The following ETS1 variants were observed in gnomAD, a reference collection of about 807,000 sequenced individuals.
The protein encoded by ETS1 is ETS proto-oncogene 1, transcription factor, also known as protein C-ets-1.
ETS1 carries 15 observed loss-of-function variants against 58.6 expected under a neutral mutation model. The observed-to-expected ratio is 0.26, with a 90% CI of 0.17 to 0.39. The LOEUF is 0.39. ETS1 is among the 10% of genes least tolerant of loss of function. The pLI, the probability that ETS1 is intolerant of heterozygous loss-of-function variation, is 1.00. For synonymous variants in ETS1, 214 were observed against 218.2 expected (o/e 0.98, Z 0.17); for missense variants, 417 against 610.5 (o/e 0.68, Z 3.34).
chr11:128,499,050 A>G, intron 3 of ETS1, among the ~76,000 whole-genome samples: 1 of 152,260 alleles, frequency 6.6e-6, no homozygotes, highest in African/African-American at 2.4e-5. Context: ...ATTGCATCCT[A>G]TTGGTTCTTC....
At chr11:128,557,059 G>A (rs1416517010) in intron 2 of ETS1, among the ~76,000 whole-genome samples, 1 of 152,196 alleles carries the variant, frequency 6.6e-6, no homozygotes, top group Non-Finnish European at 1.5e-5. Context: ...CTCTAAGGAA[G>A]ACAGATGTGC....
At chr11:128,583,712 T>A (rs1864920810) in intron 1 of ETS1, among the ~76,000 whole-genome samples, 1 of 152,184 alleles carries the variant, frequency 6.6e-6, no homozygotes, top group Non-Finnish European at 1.5e-5. Context: ...CCTTTCCACA[T>A]CTCTTGAAAA....
At chr11:128,526,850 T>C (rs1863810028) in intron 3 of ETS1, 1 of 450,716 alleles carries the variant, frequency 2.2e-6, no homozygotes, top group Non-Finnish European at 4.4e-6. Flanking sequence ...TCAATGGGAG[T>C]TTATCAGTGC....
chr11:128,562,220 C>T (rs889795312), intron 2 of ETS1, among the ~76,000 whole-genome samples: 1 of 152,128 alleles, frequency 6.6e-6, no homozygotes, highest in Non-Finnish European at 1.5e-5. Context: ...ACCAGCCTGG[C>T]CAACAAGTTG....
rs1410498545 is a variant in ETS1, at chr11:128,463,588, A to G, written c.1163T>C (p.Leu388Ser). Reference protein sequence around the residue: ...PIQLWQFLLELLTDKSCQSFI... With the variant: ...PIQLWQFLLESLTDKSCQSFI... ...AGACTGACAGGATTTATCAGTGAGT[A>G]ATTCCAGAAGAAACTGCCATAGCTG... The change falls in exon 9 of 10, where the codon TTA (leucine) becomes TCA (serine). Residue 388 changes from leucine to serine, a missense_variant. Leu to Ser is a moderately radical substitution (Grantham distance 145, BLOSUM62 -2). Around this residue, in one of 4 missense-constraint regions of ETS1, gnomAD observed 56 missense variants for 156.1 expected, o/e 0.36. Transcript: ENST00000392668. This position sits in a 1 kb window ranked among gnomAD's most constrained non-coding sequence, Gnocchi z 4.1. 1 of 1,612,482 alleles carries G rather than the reference A, an allele frequency of 6.2e-7. No homozygotes were observed. The highest frequency in any genetic ancestry group is 1.7e-5 in the Admixed American group (1 of 60,000).
Position 128,484,944 on chromosome 11 carries a change from A to T in ETS1, c.741T>A (p.Asn247Lys), listed in dbSNP as rs1229922877. 1 of 1,614,140 alleles carries T rather than the reference A, an allele frequency of 6.2e-7. No homozygotes were observed. ...CTCGGAGAATGACCGAGGGGTAGTC[A>T]TTCTCATACTTGAGGGAGAGGAGCT... ...SEELLSLKYE[N>K]DYPSVILRDP... Residue 247 changes from asparagine (N) to lysine (K), a missense_variant, in exon 7 of 10, where the codon AAT (asparagine) becomes AAA (lysine). Transcript: ENST00000392668.
chr11:128,549,945 C>G lies in ETS1; in HGVS notation c.214+6346G>C, dbSNP rs1340709131. Among the ~76,000 whole-genome samples the G allele has an allele frequency of 1.3e-5, 2 of 152,146 alleles. No individual in the cohort carries two copies. The highest frequency in any genetic ancestry group is 2.9e-5 in the Non-Finnish European group (2 of 68,026). ...TCAGATGTGAGTGGGCATCTGGTTTCTTCGATTCACCTAAATCCACACTCA... is the reference window on the plus strand; with the variant it reads ...TCAGATGTGAGTGGGCATCTGGTTTGTTCGATTCACCTAAATCCACACTCA... On this transcript the variant is annotated intron_variant, in intron 3 of 9. Coordinates refer to ENST00000392668, the MANE Select transcript of ETS1 (RefSeq NM_001143820.2). This position sits in a 1 kb window ranked among gnomAD's most constrained non-coding sequence, Gnocchi z 4.3.
chr11:128,550,907 G>T (rs1257183327), intron 3 of ETS1, among the ~76,000 whole-genome samples: 1 of 152,142 alleles, frequency 6.6e-6, no homozygotes, highest in African/African-American at 2.4e-5. Flanking sequence ...GACTGGAGTG[G>T]CCCAGTTGTG....
At chr11:128,566,732 G>A (rs1025295219) in intron 2 of ETS1, among the ~76,000 whole-genome samples, 4 of 151,024 alleles carry the variant, frequency 2.6e-5, no homozygotes, top group Non-Finnish European at 4.4e-5. Context: ...GCTGTGAGCC[G>A]AGAGGGCGCC....
chr11:128,577,385 A>T (rs1360275976), intron 1 of ETS1, among the ~76,000 whole-genome samples: 1 of 152,210 alleles, frequency 6.6e-6, no homozygotes, highest in Non-Finnish European at 1.5e-5. Flanking sequence ...TATGAATAGC[A>T]GCGCCTTTCT....
chr11:128,562,169 G>A (rs978317388), intron 2 of ETS1, among the ~76,000 whole-genome samples: 7 of 152,152 alleles, frequency 4.6e-5, no homozygotes, highest in Non-Finnish European at 7.4e-5. Flanking sequence ...TTGGGAGGCC[G>A]GGAGGCCAAG....
chr11:128,504,052 C>T (rs925038492), intron 3 of ETS1, among the ~76,000 whole-genome samples: 3 of 152,096 alleles, frequency 2.0e-5, no homozygotes, highest in Non-Finnish European at 4.4e-5. Flanking sequence ...CCTGAGACTT[C>T]GGGGATTTAG....
Position 128,461,222 on chromosome 11 carries a change from G to T in ETS1, c.*1139C>A, listed in dbSNP as rs1861897111. ...AGAAAAATTACAGAGTGTTAGTTTGGAACGACATGCATTCAGGACTTATTT... is the reference window on the plus strand; with the variant it reads ...AGAAAAATTACAGAGTGTTAGTTTGTAACGACATGCATTCAGGACTTATTT... On this transcript the variant is annotated 3_prime_UTR_variant, in exon 10 of 10. Coordinates refer to ENST00000392668, the MANE Select transcript of ETS1 (RefSeq NM_001143820.2). The T allele has an allele frequency of 6.5e-6, 1 of 152,782 alleles. No individual in the cohort carries two copies. Among genetic ancestry groups the T allele is most frequent in the African/African-American group, 2.4e-5 (1 of 41,452 alleles). 9.5% of individuals were successfully genotyped at this position (152,782 alleles called of 1,614,324 possible).
At chr11:128,573,216 C>A (rs1475085807) in intron 1 of ETS1, 72 bp from the exon 2 acceptor site, 2 of 1,091,652 alleles carry the variant, frequency 1.8e-6, no homozygotes, top group Non-Finnish European at 2.7e-6. Flanking sequence ...ACAAGGAAGA[C>A]ACGAACCTTA....
intron 3 of ETS1, among the ~76,000 whole-genome samples, chr11:128,547,158 T>C (rs571698406): frequency 6.6e-6 from 1 of 152,302 alleles, no homozygotes; most frequent in East Asian, 1.9e-4. Context: ...AAGGGATTTA[T>C]AGGAAGGAAG....
chr11:128,497,433 G>C (rs1433947941), intron 3 of ETS1: 1 of 203,516 alleles, frequency 4.9e-6, no homozygotes, highest in African/African-American at 2.4e-5. Flanking sequence ...GAAGCCTGTA[G>C]AGAGGGCTCA....
chr11:128,584,372 G>T (rs1245926245), intron 1 of ETS1, among the ~76,000 whole-genome samples: 1 of 152,128 alleles, frequency 6.6e-6, no homozygotes, highest in Non-Finnish European at 1.5e-5. Context: ...ACAAGCTCTG[G>T]GTTCACATTC....
rs73565223 is a variant in ETS1, at chr11:128,516,938, G to T, written c.215-26362C>A. Among the ~76,000 whole-genome samples, 1,002 of 152,268 alleles carry T rather than the reference G, an allele frequency of 6.6e-3. 13 individuals are homozygous for T. The highest frequency in any genetic ancestry group is 0.023 in the African/African-American group (935 of 41,528). On this transcript the variant is annotated intron_variant, in intron 3 of 9. Transcript: ENST00000392668. ...AAGGGGAAGAAATGGGCAGAATCTGGAGGCTCAGCGAAGGACTGACCTTGG... is the reference window on the plus strand; with the variant it reads ...AAGGGGAAGAAATGGGCAGAATCTGTAGGCTCAGCGAAGGACTGACCTTGG...
At chr11:128,570,860 C>T (rs570868706) in intron 2 of ETS1, among the ~76,000 whole-genome samples, 4 of 152,180 alleles carry the variant, frequency 2.6e-5, no homozygotes, top group South Asian at 4.1e-4. Context: ...TAAGCAAACT[C>T]GAGTGACTCC....
Sources: allele counts gnomAD v4.1 joint callset (sites outside exome capture counted in the v4.1 genomes callset), GRCh38; gene constraint gnomAD v4.1.1; regional missense constraint gnomAD v4.1.1; non-coding constraint Gnocchi (gnomAD v3.1); transcripts MANE v1.5; gene names NCBI Gene and HGNC (gene_info 2026-07-23, HGNC 2026-07-21).